ASTN2: variants seen among roughly 807,000 people sequenced by gnomAD.
ASTN2 encodes the protein astrotactin-2.
A neutral mutation model predicts 139.8 loss-of-function variants in ASTN2; 54 were observed. The ratio of observed to expected loss-of-function variants is 0.39; its 90% CI spans 0.31 to 0.48. The LOEUF (loss-of-function observed/expected upper bound fraction) is 0.48. Among genes scored for constraint, ASTN2 ranks in the 20% least tolerant of loss-of-function variants. The pLI is 0.95. For synonymous variants in ASTN2, 756 were observed against 719.5 expected, an observed-to-expected ratio of 1.05 and a Z score of -0.81; for missense variants, 1,565 against 1,725.1, an observed-to-expected ratio of 0.91 and a Z score of 1.64.
chr9:117,029,845 C>T (rs1838197094), intron 6 of ASTN2, among the ~76,000 whole-genome samples: 1 of 152,038 alleles, frequency 6.6e-6, no homozygotes, highest in Non-Finnish European at 1.5e-5. Flanking sequence ...GCCTTACCTG[C>T]CAAGACCCTA....
chr9:116,457,443 A>G (rs947053397), intron 20 of ASTN2, among the ~76,000 whole-genome samples: 2 of 152,156 alleles, frequency 1.3e-5, no homozygotes, highest in Non-Finnish European at 2.9e-5. Flanking sequence ...TTTGCAAGCT[A>G]TCCATCTGAC....
intron 1 of ASTN2, among the ~76,000 whole-genome samples, chr9:117,412,510 A>T (rs1564191182): frequency 6.6e-6 from 1 of 152,148 alleles, no homozygotes; most frequent in Non-Finnish European, 1.5e-5. Context: ...TTTGAAAGCC[A>T]AAGTTAAAAA....
chr9:116,615,495 A>C (rs1855797099), intron 19 of ASTN2, among the ~76,000 whole-genome samples: 1 of 152,140 alleles, frequency 6.6e-6, no homozygotes, highest in Admixed American at 6.6e-5. Context: ...ACAATGATAG[A>C]CTGGATTAAG....
chr9:116,878,217 G>T (rs1026032673), intron 10 of ASTN2, among the ~76,000 whole-genome samples: 13 of 152,152 alleles, frequency 8.5e-5, no homozygotes, highest in Non-Finnish European at 1.6e-4. Context: ...ATACCCAAAG[G>T]AATATCAGCC....
chr9:117,120,018 G>GTATATATATA lies in ASTN2; in HGVS notation c.1168+21298_1168+21307dup, dbSNP rs200361826. Among the ~76,000 whole-genome samples the GTATATATATA allele has an allele frequency of 2.8e-3, 128 of 45,964 alleles. 2 individuals are homozygous for GTATATATATA. Among genetic ancestry groups the GTATATATATA allele is most frequent in the South Asian group, 5.5e-3 (5 of 906 alleles). 30.2% of individuals were successfully genotyped at this position (45,964 alleles called of 152,430 possible). On this transcript the variant is annotated intron_variant, in intron 4 of 22. Transcript: ENST00000313400. The stretch of plus-strand genomic sequence containing the variant: ...TGTGTGTGTGTGTGTGTGTGTGTGT[G>GTATATATATA]TATATATATATATATATATATATAT...
intron 3 of ASTN2, among the ~76,000 whole-genome samples, chr9:117,144,054 A>G (rs549802121): frequency 6.6e-6 from 1 of 152,166 alleles, no homozygotes; most frequent in Non-Finnish European, 1.5e-5. Flanking sequence ...AGATGAAGTC[A>G]TAAGAGTGGG....
intron 13 of ASTN2, among the ~76,000 whole-genome samples, chr9:116,741,562 C>A (rs1276092504): frequency 1.3e-5 from 2 of 152,180 alleles, no homozygotes; most frequent in East Asian, 3.9e-4. Context: ...CCTCTGACAA[C>A]AAGCAGTTGG....
At chr9:116,832,069 T>C (rs1831830231) in intron 11 of ASTN2, among the ~76,000 whole-genome samples, 1 of 152,164 alleles carries the variant, frequency 6.6e-6, no homozygotes, top group Non-Finnish European at 1.5e-5. Flanking sequence ...TTTTGTCAGA[T>C]TCACATCTGA....
chr9:117,239,662 C>G (rs1234230239), intron 2 of ASTN2, among the ~76,000 whole-genome samples: 2 of 152,232 alleles, frequency 1.3e-5, no homozygotes, highest in African/African-American at 4.8e-5. Context: ...AGAACCATTT[C>G]CATTTCTTTG....
At chr9:116,842,368 T>C (rs1832287342) in intron 11 of ASTN2, among the ~76,000 whole-genome samples, 1 of 152,176 alleles carries the variant, frequency 6.6e-6, no homozygotes, top group Non-Finnish European at 1.5e-5. Context: ...AGATACAATA[T>C]ACTCATTTTA....
At chr9:116,556,215 A>G (rs749492000) in intron 19 of ASTN2, among the ~76,000 whole-genome samples, 4 of 152,216 alleles carry the variant, frequency 2.6e-5, no homozygotes, top group Non-Finnish European at 5.9e-5. Flanking sequence ...CACCTTTGGT[A>G]AAAAGCTTCC....
rs1292692053 is a variant in ASTN2, at chr9:116,480,882, T to C, written c.3497+6477A>G. On this transcript the variant is annotated intron_variant, in intron 20 of 22. Coordinates refer to ENST00000313400, the MANE Select transcript of ASTN2 (RefSeq NM_001365068.1). ...CCAACCTGCTGGAAGGCTGTGAACA[T>C]ATGGTGTCAGCAGAGGCCATCCCAC... 2.6e-5 allele frequency among the ~76,000 whole-genome samples: 4 copies of C among 152,218 alleles called. No individual in the cohort carries two copies. In the East Asian group the frequency reaches 7.8e-4, roughly 29 times the overall value.
At chr9:116,809,951 A>G (rs927514357) in intron 12 of ASTN2, among the ~76,000 whole-genome samples, 1 of 152,180 alleles carries the variant, frequency 6.6e-6, no homozygotes, top group African/African-American at 2.4e-5. Flanking sequence ...TAGTCTTTTC[A>G]AAACATCCTG....
chr9:116,586,835 C>CACACACACACACACACACAT (rs1854172675), intron 19 of ASTN2, among the ~76,000 whole-genome samples: 28 of 144,116 alleles, frequency 1.9e-4, no homozygotes, highest in African/African-American at 6.8e-4. Context: ...CATACATACA[C>CACACACACACACACACACAT]ACACACACAC....
chr9:116,840,974 G>T (rs1372420165), intron 11 of ASTN2, among the ~76,000 whole-genome samples: 1 of 151,974 alleles, frequency 6.6e-6, no homozygotes, highest in Admixed American at 6.5e-5. Flanking sequence ...CCCAGACGGG[G>T]TGGCGGCCGG....
intron 1 of ASTN2, among the ~76,000 whole-genome samples, chr9:117,336,057 GAAAAAA>G (rs35679249): frequency 5.7e-5 from 6 of 104,926 alleles, no homozygotes. Flanking sequence ...GTCTGGAAAG[GAAAAAA>G]AAAAAAAAAA....
intron 5 of ASTN2, among the ~76,000 whole-genome samples, chr9:117,068,840 G>A (rs1828026354): frequency 7.6e-6 from 1 of 131,520 alleles, no homozygotes; most frequent in South Asian, 2.8e-4. Flanking sequence ...TATTTCTGTG[G>A]GATCGGTGGT....
intron 13 of ASTN2, among the ~76,000 whole-genome samples, chr9:116,803,548 G>A (rs1340306956): frequency 4.6e-5 from 5 of 108,036 alleles, no homozygotes; most frequent in Admixed American, 3.2e-4. Context: ...TTTTTTAGAC[G>A]GAGTCTCACT....
intron 5 of ASTN2, among the ~76,000 whole-genome samples, chr9:117,094,323 C>A (rs991249688): frequency 1.3e-5 from 2 of 151,786 alleles, no homozygotes; most frequent in Admixed American, 1.3e-4. Context: ...TCATTCATCT[C>A]GAGGCCTGTA....
Sources: gnomAD v4.1 joint callset for allele counts (sites outside exome capture counted in the v4.1 genomes callset) on GRCh38, gnomAD v4.1.1 for gene constraint, MANE v1.5 for transcripts, NCBI Gene and HGNC (gene_info 2026-07-23, HGNC 2026-07-21) for gene names.